CTDSPL: variants seen among roughly 807,000 people sequenced by gnomAD.
The protein encoded by CTDSPL is CTD small phosphatase-like protein.
A neutral mutation model predicts 30.5 loss-of-function variants in CTDSPL; 8 were observed. The ratio of observed to expected loss-of-function variants is 0.26; its 90% CI spans 0.15 to 0.47. The LOEUF (loss-of-function observed/expected upper bound fraction) is 0.47, where lower values mean the gene tolerates loss of function less well. Ranked by LOEUF, CTDSPL falls within the 20% of genes least tolerant of loss-of-function variation. The pLI is 0.99. For missense variants in CTDSPL, 248 were observed against 366.1 expected (o/e 0.68, Z 2.63); for synonymous variants, 110 against 137.9 (o/e 0.80, Z 1.42).
At chr3:37,958,487 C>T (rs1169110126) in intron 3 of CTDSPL, among the ~76,000 whole-genome samples, 2 of 152,156 alleles carry the variant, frequency 1.3e-5, no homozygotes, top group Non-Finnish European at 2.9e-5. Context: ...TGGCAGGTAG[C>T]ATCTCTCCTT....
intron 3 of CTDSPL, among the ~76,000 whole-genome samples, chr3:37,958,098 A>T (rs993004481): frequency 6.6e-6 from 1 of 152,252 alleles, no homozygotes; most frequent in South Asian, 2.1e-4. Context: ...GGGAACATAC[A>T]ATAGACACAG....
At chr3:37,966,741 T>G (rs1279762039) in intron 4 of CTDSPL, among the ~76,000 whole-genome samples, 5 of 152,156 alleles carry the variant, frequency 3.3e-5, no homozygotes, top group African/African-American at 1.2e-4. Flanking sequence ...GTTTTTTAGT[T>G]TATATATCAA....
intron 1 of CTDSPL, among the ~76,000 whole-genome samples, chr3:37,879,192 G>C (rs75429713): frequency 6.6e-6 from 1 of 152,246 alleles, no homozygotes; most frequent in African/African-American, 2.4e-5. Context: ...CATTCAGGAA[G>C]TATAACCCAG....
chr3:37,950,972 C>T (rs1227747485), intron 2 of CTDSPL, among the ~76,000 whole-genome samples: 1 of 152,098 alleles, frequency 6.6e-6, no homozygotes, highest in African/African-American at 2.4e-5. Flanking sequence ...TATCATTTAT[C>T]TATTGAGATA....
At chr3:37,906,888 G>A (rs1698521807) in intron 1 of CTDSPL, among the ~76,000 whole-genome samples, 1 of 152,156 alleles carries the variant, frequency 6.6e-6, no homozygotes, top group Non-Finnish European at 1.5e-5. Flanking sequence ...ACCCACTCTG[G>A]CCCACACACA....
At chr3:37,880,715 A>G (rs1022158744) in intron 1 of CTDSPL, among the ~76,000 whole-genome samples, 4 of 152,352 alleles carry the variant, frequency 2.6e-5, no homozygotes, top group South Asian at 2.1e-4. Flanking sequence ...CTTACACACT[A>G]TATCTAGGTG....
In CTDSPL at chr3:37,944,054, G is replaced by A. The variant is rs145501707; in HGVS notation, c.80-3003G>A. Reference sequence around the variant, plus strand: ...TGTCATAGGCTTGGAGTGTAGAAGCGTACGAATTAGGCTGAAGGTTGAGAA... The same window carrying A: ...TGTCATAGGCTTGGAGTGTAGAAGCATACGAATTAGGCTGAAGGTTGAGAA... On this transcript the variant is annotated intron_variant, in intron 1 of 7. Coordinates refer to ENST00000273179, the MANE Select transcript of CTDSPL (RefSeq NM_001008392.2). Among the ~76,000 whole-genome samples the A allele has an allele frequency of 3.5e-4, 52 of 150,196 alleles. 4 individuals carry two copies. In the East Asian group the frequency reaches 8.0e-3, roughly 23 times the overall value.
At chr3:37,979,927 G>A (rs1699470955) in intron 7 of CTDSPL, among the ~76,000 whole-genome samples, 1 of 152,182 alleles carries the variant, frequency 6.6e-6, no homozygotes, top group South Asian at 2.1e-4. Context: ...AGACAGAGAA[G>A]TGTGTCCATT....
chr3:37,970,479 A>G (rs1699354462), intron 5 of CTDSPL, among the ~76,000 whole-genome samples: 1 of 152,168 alleles, frequency 6.6e-6, no homozygotes, highest in African/African-American at 2.4e-5. Flanking sequence ...AAAGAGTTTG[A>G]TTTATTTTAG....
intron 3 of CTDSPL, among the ~76,000 whole-genome samples, chr3:37,958,460 G>T (rs373229791): frequency 6.6e-6 from 1 of 152,040 alleles, no homozygotes; most frequent in East Asian, 1.9e-4. Context: ...TCCTGCAGAG[G>T]TACCTACATT....
At chr3:37,906,866 A>G (rs1698521665) in intron 1 of CTDSPL, among the ~76,000 whole-genome samples, 1 of 152,156 alleles carries the variant, frequency 6.6e-6, no homozygotes, top group Non-Finnish European at 1.5e-5. Flanking sequence ...CTCCTAAACC[A>G]AAGCTGAGAA....
chr3:37,880,069 G>T (rs1698185323), intron 1 of CTDSPL, among the ~76,000 whole-genome samples: 1 of 149,858 alleles, frequency 6.7e-6, no homozygotes, highest in Non-Finnish European at 1.5e-5. Flanking sequence ...TATGCAAAGT[G>T]CCATGGAAGC....
In CTDSPL at chr3:37,896,790, C is replaced by T. The variant is rs900067066; in HGVS notation, c.79+34512C>T. ...CTGGGCTCAAGCAATCCTCCCACCT[C>T]GACCTCCCCAAGTGTTGGGATTACA... On this transcript the variant is annotated intron_variant, in intron 1 of 7. Transcript: ENST00000273179. 8.5e-5 allele frequency among the ~76,000 whole-genome samples: 13 copies of T among 152,114 alleles called. No individual in the cohort carries two copies. The East Asian group carries it at 9.7e-4, about 11-fold the overall frequency.
chr3:37,963,233 T>C lies in CTDSPL; in HGVS notation c.268-1338T>C, dbSNP rs9870485. Among the ~76,000 whole-genome samples, 588 of 152,336 alleles carry C rather than the reference T, an allele frequency of 3.9e-3. 2 individuals carry two copies. Among genetic ancestry groups the C allele is most frequent in the African/African-American group, 0.013 (561 of 41,578 alleles). ...AAACATGGAGTTAGAAATGCTTATG[T>C]CTCCACACGTAGCCTCTTCCTGGGC... On this transcript the variant is annotated intron_variant, in intron 3 of 7. Coordinates refer to ENST00000273179, the MANE Select transcript of CTDSPL (RefSeq NM_001008392.2).
At chr3:37,905,683 A>G (rs1449107121) in intron 1 of CTDSPL, among the ~76,000 whole-genome samples, 2 of 152,180 alleles carry the variant, frequency 1.3e-5, no homozygotes, top group Non-Finnish European at 2.9e-5. Context: ...ACCTGCTGCA[A>G]GGTGTTTTAT....
chr3:37,872,225 A>C (rs114378126), intron 1 of CTDSPL, among the ~76,000 whole-genome samples: 1,602 of 152,180 alleles, frequency 0.011, 34 homozygotes, highest in South Asian at 0.078. Context: ...ACATGCTCCT[A>C]ATTGTTTGTT....
At chr3:37,934,485 A>G (rs1388733815) in intron 1 of CTDSPL, among the ~76,000 whole-genome samples, 1 of 152,232 alleles carries the variant, frequency 6.6e-6, no homozygotes. Flanking sequence ...TTTAGAAATA[A>G]TAGAAAAGTA....
chr3:37,976,996 T>C (rs773801552), intron 7 of CTDSPL, among the ~76,000 whole-genome samples: 2 of 152,134 alleles, frequency 1.3e-5, no homozygotes, highest in Non-Finnish European at 2.9e-5. Context: ...GCAAAGTCCT[T>C]TCCTTGAATC....
intron 3 of CTDSPL, among the ~76,000 whole-genome samples, chr3:37,960,535 T>TACACACACACAC (rs71288085): frequency 2.0e-3 from 33 of 16,284 alleles, no homozygotes; most frequent in Non-Finnish European, 2.7e-3. Flanking sequence ...TATATATATA[T>TACACACACACAC]ACACACACAC....
Sources: allele counts gnomAD v4.1 joint callset (sites outside exome capture counted in the v4.1 genomes callset), GRCh38; gene constraint gnomAD v4.1.1; transcripts MANE v1.5; gene names NCBI Gene and HGNC (gene_info 2026-07-23, HGNC 2026-07-21).